The following NTN1 variants were observed in gnomAD, a reference collection of about 807,000 sequenced individuals.
NTN1 encodes netrin 1.
In NTN1, 11 loss-of-function variants were observed where a neutral mutation model predicts 54.2. The observed-to-expected ratio is 0.20, with a 90% confidence interval of 0.13 to 0.34. The LOEUF is 0.34. NTN1 is among the 10% of genes least tolerant of loss of function. The pLI is 1.00. For synonymous variants in NTN1, 371 were observed against 382.0 expected (o/e 0.97, Z 0.33); for missense variants, 740 against 893.1 (o/e 0.83, Z 2.18).
chr17:9,131,326 G>A (rs937014822), intron 2 of NTN1, among the ~76,000 whole-genome samples: 4 of 152,106 alleles, frequency 2.6e-5, no homozygotes, highest in Non-Finnish European at 2.9e-5. Flanking sequence ...CTCCTAATGC[G>A]CTGTGTTCAT....
rs367862789 is a variant in NTN1 at position 9,228,900 on chromosome 17, G to C, written c.1486+7658G>C. Among the ~76,000 whole-genome samples the C allele has an allele frequency of 1.2e-3, 53 of 45,534 alleles. No individual in the cohort carries two copies. In the East Asian group the frequency reaches 0.026, roughly 22 times the overall value. 29.9% of individuals were successfully genotyped at this position (45,534 alleles called of 152,430 possible). On this transcript the variant is annotated intron_variant, in intron 6 of 6. Transcript: ENST00000173229. ...TGTGTGACTACGCATGTGTGATTGT[G>C]TTCGTGACTGTGTGTGACTGCGTGT...
the NTN1 span, among the ~76,000 whole-genome samples, chr17:9,014,474 A>G: frequency 6.6e-6 from 1 of 152,336 alleles, no homozygotes; most frequent in South Asian, 2.1e-4. Flanking sequence ...AACCCTATAA[A>G]GGTGAATGCA....
intron 2 of NTN1, among the ~76,000 whole-genome samples, chr17:9,074,442 C>T (rs773980196): frequency 1.2e-4 from 18 of 152,144 alleles, no homozygotes; most frequent in Non-Finnish European, 2.2e-4. Context: ...AGTGAGTGTG[C>T]AAATCAGTGG....
rs148863897 is a variant in NTN1 at position 9,072,481 on chromosome 17, C to A, written c.1018+49090C>A. On this transcript the variant is annotated intron_variant, in intron 2 of 6. Transcript: ENST00000173229. ...AAACCTCATTTTGTTGCCCAAAAAG[C>A]TTTGAGAGGTGGGCGGGGATGTGGA... Among the ~76,000 whole-genome samples, 1,468 of 152,210 alleles carry A rather than the reference C, an allele frequency of 9.6e-3. 26 individuals are homozygous for A. Among genetic ancestry groups the A allele is most frequent in the African/African-American group, 0.031 (1,277 of 41,502 alleles).
At chr17:9,025,476 G>T (rs917846943) in intron 2 of NTN1, among the ~76,000 whole-genome samples, 2 of 152,130 alleles carry the variant, frequency 1.3e-5, no homozygotes, top group Admixed American at 6.5e-5. Context: ...CAAATGATTG[G>T]CTAACAATAT....
rs2142354431 is a variant in NTN1, at chr17:9,219,485, AAG to A, written c.1412-1680_1412-1679del. 6.6e-6 allele frequency among the ~76,000 whole-genome samples: 1 copy of A among 152,282 alleles called. No homozygotes were observed. The highest frequency in any genetic ancestry group is 2.1e-4 in the South Asian group (1 of 4,822). On this transcript the variant is annotated intron_variant, in intron 5 of 6. Transcript: ENST00000173229. The surrounding 1 kb of genome is among the most constrained non-coding windows in gnomAD (Gnocchi z 4.5). ...AGACTGGTTCCTAACTGGGGGCCCCAAGAGTCTGGCACAGGAAGCGGTGGGAG... is the reference window on the plus strand; with the variant it reads ...AGACTGGTTCCTAACTGGGGGCCCCAAGTCTGGCACAGGAAGCGGTGGGAG...
At chr17:9,151,425 C>T (rs2092327396) in intron 2 of NTN1, among the ~76,000 whole-genome samples, 2 of 152,154 alleles carry the variant, frequency 1.3e-5, no homozygotes, top group Non-Finnish European at 2.9e-5. Context: ...CCGGGAACTC[C>T]AGCCTCCCGT....
rs78173975 is a variant in NTN1, at chr17:9,062,135, T to C, written c.1018+38744T>C. On this transcript the variant is annotated intron_variant, in intron 2 of 6. Coordinates refer to ENST00000173229, the MANE Select transcript of NTN1 (RefSeq NM_004822.3). ...AATCAATCTTGCATCTCAGTAGATT[T>C]TTAGTCCCCGAGGCTCAGACTGCCA... is the stretch of plus-strand genomic sequence containing the variant. Among the ~76,000 whole-genome samples, 755 of 152,182 alleles carry C rather than the reference T, an allele frequency of 5.0e-3. 7 individuals carry two copies. The highest frequency in any genetic ancestry group is 0.017 in the African/African-American group (692 of 41,450).
chr17:9,045,294 T>C (rs1284575695), intron 2 of NTN1, among the ~76,000 whole-genome samples: 3 of 152,116 alleles, frequency 2.0e-5, no homozygotes, highest in Non-Finnish European at 4.4e-5. Context: ...TAGAAATCAG[T>C]CTGCAAGGAA....
intron 2 of NTN1, among the ~76,000 whole-genome samples, chr17:9,113,033 T>A (rs572030088): frequency 4.6e-4 from 68 of 148,642 alleles, no homozygotes; most frequent in African/African-American, 1.6e-3. Context: ...TTTTTATTTT[T>A]ATTTTTTTGA....
chr17:9,153,009 C>G (rs966993903), intron 2 of NTN1, among the ~76,000 whole-genome samples: 1 of 152,174 alleles, frequency 6.6e-6, no homozygotes, highest in Non-Finnish European at 1.5e-5. Flanking sequence ...TGCTTCATGC[C>G]TGTAATCCAA....
intron 2 of NTN1, among the ~76,000 whole-genome samples, chr17:9,075,130 A>G (rs529950141): frequency 6.6e-6 from 1 of 152,276 alleles, no homozygotes; most frequent in East Asian, 1.9e-4. Flanking sequence ...CAGGCCCACC[A>G]CTTAGAGATG....
At chr17:9,166,213 C>T (rs2092373005) in intron 3 of NTN1, among the ~76,000 whole-genome samples, 1 of 129,944 alleles carries the variant, frequency 7.7e-6, no homozygotes, top group Admixed American at 8.4e-5. Context: ...ACCACCAGCA[C>T]CTCCTGCCTT....
the NTN1 span, among the ~76,000 whole-genome samples, chr17:9,015,334 C>T: frequency 1.3e-5 from 2 of 152,064 alleles, no homozygotes; most frequent in African/African-American, 4.8e-5. Flanking sequence ...TTGCTTGAAC[C>T]CAGGAGGCAG....
chr17:9,018,029 C>G (rs988694036), upstream of NTN1, among the ~76,000 whole-genome samples: 3 of 152,110 alleles, frequency 2.0e-5, no homozygotes, highest in Non-Finnish European at 2.9e-5. Flanking sequence ...ATCTGGGCTG[C>G]TGTGTAGCGT....
intron 2 of NTN1, among the ~76,000 whole-genome samples, chr17:9,120,507 G>A (rs1451706489): frequency 2.0e-4 from 31 of 152,174 alleles, no homozygotes; most frequent in Non-Finnish European, 1.5e-5. Flanking sequence ...GAGAGACTGC[G>A]ATGGTTTCTC....
intron 6 of NTN1, among the ~76,000 whole-genome samples, chr17:9,231,300 G>GGC (rs1352800123): frequency 6.6e-6 from 1 of 152,106 alleles, no homozygotes; most frequent in Admixed American, 6.5e-5. Flanking sequence ...GTACCCGGGG[G>GGC]GGGACCCCAG....
At chr17:9,183,271 C>T (rs2092424316) in intron 5 of NTN1, 1 of 614,122 alleles carries the variant, frequency 1.6e-6, no homozygotes, top group African/African-American at 1.8e-5. Flanking sequence ...CAACACCTTC[C>T]AGGCTGAGGG....
chr17:9,204,928 A>ATTTTTTTTTTTTTTT (rs148063994), intron 5 of NTN1, among the ~76,000 whole-genome samples: 1 of 145,526 alleles, frequency 6.9e-6, no homozygotes. Context: ...GTCAACCCTC[A>ATTTTTTTTTTTTTTT]TTTTTTTTTT....
Sources: allele counts gnomAD v4.1 joint callset (sites outside exome capture counted in the v4.1 genomes callset), GRCh38; gene constraint gnomAD v4.1.1; non-coding constraint Gnocchi (gnomAD v3.1); transcripts MANE v1.5; gene names NCBI Gene and HGNC (gene_info 2026-07-23, HGNC 2026-07-21).